VLDLR: variants seen among roughly 807,000 people sequenced by gnomAD.
VLDLR encodes the protein very low density lipoprotein receptor, also known as very low-density lipoprotein receptor.
VLDLR carries 81 observed loss-of-function variants against 112.7 expected under a neutral mutation model. The observed-to-expected ratio is 0.72, with a 90% CI of 0.60 to 0.86. The LOEUF (loss-of-function observed/expected upper bound fraction) is 0.86. VLDLR is among the 40% of genes least tolerant of loss of function. The pLI, the probability that VLDLR is intolerant of heterozygous loss-of-function variation, is 0.00. For synonymous variants in VLDLR, 436 were observed against 384.8 expected, an observed-to-expected ratio of 1.13 and a Z score of -1.56; for missense variants, 1,237 against 1,099.4, an observed-to-expected ratio of 1.13 and a Z score of -1.77.
chr9:2,652,919 CAGTGCTTCT>C lies in VLDLR; in HGVS notation c.2557_2565del (p.Ser853_Ser855del), dbSNP rs1563768947. 3 of 1,614,096 alleles carry C rather than the reference CAGTGCTTCT, an allele frequency of 1.9e-6. No individual in the cohort carries two copies. Among genetic ancestry groups the C allele is most frequent in the Non-Finnish European group, 2.5e-6 (3 of 1,179,980 alleles). ...ACCTCTCCATAGACATTGGTAGACA[CAGTGCTTCT>C]GTTGGACACACGTACCCAGCAGTAA... On this transcript the variant is annotated inframe_deletion, in exon 18 of 19. Coordinates refer to ENST00000382100, the MANE Select transcript of VLDLR (RefSeq NM_003383.5).
In VLDLR at chr9:2,644,872, C is replaced by G; in HGVS notation, c.1186+19C>G. The G allele has an allele frequency of 1.9e-6, 3 of 1,614,034 alleles. No homozygotes were observed. The African/African-American group carries it at 4.0e-5, about 22-fold the overall frequency. ...TGTGGAGGTGAGTCTAAGAAGAAAA[C>G]CTGGACCCTGCAGGTGATGGGAAAG... is the stretch of plus-strand genomic sequence containing the variant. On this transcript the variant is annotated intron_variant, in intron 8 of 18. Transcript: ENST00000382100.
chr9:2,634,927 A>G (rs1817535007), intron 1 of VLDLR, among the ~76,000 whole-genome samples: 1 of 152,204 alleles, frequency 6.6e-6, no homozygotes, highest in Non-Finnish European at 1.5e-5. Flanking sequence ...AATGCCATTA[A>G]AGGATTAGGA....
rs1818704032 is a variant in VLDLR, at chr9:2,658,965, C to T, written c.*5097C>T. ...GCTTAAAAGACTGCATGGTTTAAAC[C>T]CTAGAAACATAAATGGAATGTTTCT... On this transcript the variant is annotated 3_prime_UTR_variant, in exon 19 of 19. Transcript: ENST00000382100. 6.6e-6 allele frequency: 1 copy of T among 152,094 alleles called. No individual in the cohort carries two copies. The highest frequency in any genetic ancestry group is 6.5e-5 in the Admixed American group (1 of 15,270). The allele number at this position is 152,094 out of a possible 1,614,324, so 9.4% of individuals were successfully genotyped here. A position where few individuals can be genotyped will look rare whatever the true frequency, so the allele number is the denominator to read the frequency against.
At position 2,648,192 on chromosome 9, in the gene VLDLR, T is replaced by C. The variant is rs750278202; in HGVS notation, c.1823-16T>C. 2 of 1,613,562 alleles carry C rather than the reference T, an allele frequency of 1.2e-6. No individual in the cohort carries two copies. Among genetic ancestry groups the C allele is most frequent in the Admixed American group, 1.7e-5 (1 of 59,998 alleles). On this transcript the variant is annotated splice_polypyrimidine_tract_variant and intron_variant, in intron 12 of 18. Coordinates refer to ENST00000382100, the MANE Select transcript of VLDLR (RefSeq NM_003383.5). The stretch of plus-strand genomic sequence containing the variant: ...GTAGTGGCTTGTCATGTAATGACAA[T>C]TCTTTTCCTACCTAGACCTTATAAA...
chr9:2,626,291 A>T (rs896336273), intron 1 of VLDLR, among the ~76,000 whole-genome samples: 1 of 152,190 alleles, frequency 6.6e-6, no homozygotes, highest in Non-Finnish European at 1.5e-5. Flanking sequence ...AGGTAATTTT[A>T]TAGACTATTT....
At chr9:2,649,950 A>C (rs1586658280) in intron 14 of VLDLR, among the ~76,000 whole-genome samples, 1 of 152,198 alleles carries the variant, frequency 6.6e-6, no homozygotes, top group African/African-American at 2.4e-5. Flanking sequence ...ATCTAAATAA[A>C]GCCTTCAAAC....
chr9:2,643,074 A>C (rs1482745903), intron 4 of VLDLR, 86 bp from the exon 5 acceptor site: 5 of 1,585,598 alleles, frequency 3.2e-6, no homozygotes, highest in African/African-American at 2.7e-5. Flanking sequence ...TTAATGAATA[A>C]AGATCAATGT....
chr9:2,653,800 C>T, intron 18 of VLDLR, 33 bp from the exon 19 acceptor site: 1 of 1,613,700 alleles, frequency 6.2e-7, no homozygotes, highest in Non-Finnish European at 8.5e-7. Flanking sequence ...TGAGTGATCA[C>T]CAAGCTCATT....
Position 2,643,071 on chromosome 9 carries a change from A to T in VLDLR, c.449-89A>T. On this transcript the variant is annotated intron_variant, in intron 4 of 18. Coordinates refer to ENST00000382100, the MANE Select transcript of VLDLR (RefSeq NM_003383.5). ...TGGGCTAGTAAGTTAGGATTAATGAATAAAGATCAATGTATTAGATTTTGG... is the reference window on the plus strand; with the variant it reads ...TGGGCTAGTAAGTTAGGATTAATGATTAAAGATCAATGTATTAGATTTTGG... The T allele has an allele frequency of 1.9e-6, 3 of 1,584,036 alleles. No individual in the cohort carries two copies. In the East Asian group the frequency reaches 6.7e-5, roughly 35 times the overall value.
At chr9:2,644,228 G>A (rs572911283) in intron 7 of VLDLR, among the ~76,000 whole-genome samples, 205 of 139,438 alleles carry the variant, frequency 1.5e-3, no homozygotes, top group Non-Finnish European at 1.1e-3. Context: ...ATGCAATCTC[G>A]GCTCACTGCA....
At chr9:2,644,603 G>T in intron 7 of VLDLR, 131 bp from the exon 8 acceptor site, 1 of 1,137,086 alleles carries the variant, frequency 8.8e-7, no homozygotes, top group African/African-American at 1.6e-5. Flanking sequence ...TAAAATAAAT[G>T]ATTAGGTCTT....
intron 1 of VLDLR, among the ~76,000 whole-genome samples, chr9:2,630,041 G>A (rs1221534333): frequency 6.6e-6 from 1 of 152,160 alleles, no homozygotes. Flanking sequence ...TGATCTGCCC[G>A]CCTCAGCCTC....
Position 2,643,245 on chromosome 9 carries a change from C to G in VLDLR, c.534C>G (p.Asp178Glu). Residue 178 changes from aspartate (D) to glutamate (E), a missense_variant, in exon 5 of 19, where the codon GAC becomes GAG. Coordinates refer to ENST00000382100, the MANE Select transcript of VLDLR (RefSeq NM_003383.5). ...SRNFVCNGQD[D>E]CSDGSDELDC... Reference sequence around the variant, plus strand: ...ACTTTGTATGCAATGGCCAGGATGACTGCAGCGATGGCAGTGATGAGCTGG... The same window carrying G: ...ACTTTGTATGCAATGGCCAGGATGAGTGCAGCGATGGCAGTGATGAGCTGG... 6.2e-7 allele frequency: 1 copy of G among 1,614,154 alleles called. No homozygotes were observed. Among genetic ancestry groups the G allele is most frequent in the Non-Finnish European group, 8.5e-7 (1 of 1,180,000 alleles).
rs924260307 is a variant in VLDLR, at chr9:2,655,772, T to G, written c.*1904T>G. The G allele has an allele frequency of 6.6e-6, 1 of 152,142 alleles. No individual in the cohort carries two copies. Among genetic ancestry groups the G allele is most frequent in the African/African-American group, 2.4e-5 (1 of 41,442 alleles). The allele number at this position is 152,142 out of a possible 1,614,324, so 9.4% of individuals were successfully genotyped here. A position where few individuals can be genotyped will look rare whatever the true frequency, so the allele number is the denominator to read the frequency against. On this transcript the variant is annotated 3_prime_UTR_variant, in exon 19 of 19. Coordinates refer to ENST00000382100, the MANE Select transcript of VLDLR (RefSeq NM_003383.5). ...GGCTGTAGTCATGAATATAGAACTG[T>G]CTGCTCTCCACCTTTTCCTCACTCT...
intron 2 of VLDLR, among the ~76,000 whole-genome samples, chr9:2,638,504 A>C (rs1466284971): frequency 6.6e-6 from 1 of 152,118 alleles, no homozygotes. Context: ...ATTGGGTAGA[A>C]GGTATAAGCA....
chr9:2,628,156 C>G (rs1000086057), intron 1 of VLDLR, among the ~76,000 whole-genome samples: 5 of 152,170 alleles, frequency 3.3e-5, no homozygotes, highest in African/African-American at 1.2e-4. Flanking sequence ...CAAATGTGAA[C>G]TGCAGCCCAT....
At chr9:2,626,812 A>G (rs1817111726) in intron 1 of VLDLR, among the ~76,000 whole-genome samples, 1 of 151,710 alleles carries the variant, frequency 6.6e-6, no homozygotes, top group South Asian at 2.1e-4. Context: ...GTTACATCAC[A>G]AGTTTGTTAG....
chr9:2,641,563 G>A (rs1563756566), intron 4 of VLDLR, 64 bp downstream of exon 4: 2 of 1,610,618 alleles, frequency 1.2e-6, no homozygotes, highest in East Asian at 2.2e-5. Context: ...GGGTGGGCAG[G>A]GGAAACTAAT....
rs115773578 is a variant in VLDLR, at chr9:2,647,561, G to A, written c.1791G>A (p.Ala597=). 4.8e-4 allele frequency: 771 copies of A among 1,614,070 alleles called. 2 individuals are homozygous for A. Among genetic ancestry groups the A allele is most frequent in the Admixed American group, 1.1e-3 (68 of 60,018 alleles). ...TCGATAGACGTCCACTGGTGACAGCGGATATCCAGTGGCCTAACGGAATTA... is the reference window on the plus strand; with the variant it reads ...TCGATAGACGTCCACTGGTGACAGCAGATATCCAGTGGCCTAACGGAATTA... ...NGFDRRPLVT[A]DIQWPNGITL... is the part of the protein sequence containing the mutation. Residue 597 remains alanine (A), a synonymous_variant, in exon 12 of 19, where the codon GCG becomes GCA. Coordinates refer to ENST00000382100, the MANE Select transcript of VLDLR (RefSeq NM_003383.5).
Sources: gnomAD v4.1 joint callset for allele counts (sites outside exome capture counted in the v4.1 genomes callset) on GRCh38, gnomAD v4.1.1 for gene constraint, MANE v1.5 for transcripts, NCBI Gene and HGNC (gene_info 2026-07-23, HGNC 2026-07-21) for gene names.